Variants in SNAP91 observed in about 807,000 individuals in gnomAD.
SNAP91 encodes synaptosome associated protein 91, also known as clathrin coat assembly protein AP180.
In SNAP91, 27 loss-of-function variants were observed where a neutral mutation model predicts 100.3. The ratio of observed to expected loss-of-function variants is 0.27; its 90% CI spans 0.20 to 0.37. SNAP91 has a LOEUF of 0.37. Among genes scored for constraint, SNAP91 ranks in the 10% least tolerant of loss-of-function variants. SNAP91 has a pLI of 1.00. For missense variants in SNAP91, 986 were observed against 1,123.7 expected (o/e 0.88, Z 1.75); for synonymous variants, 404 against 398.6 (o/e 1.01, Z -0.16).
intron 8 of SNAP91, among the ~76,000 whole-genome samples, chr6:83,629,953 C>G (rs1399209733): frequency 6.6e-6 from 1 of 152,024 alleles, no homozygotes; most frequent in Non-Finnish European, 1.5e-5. Context: ...ATGCTATCAA[C>G]TTTTCCCCAT....
intron 6 of SNAP91, among the ~76,000 whole-genome samples, chr6:83,657,557 T>C (rs1020689706): frequency 6.6e-6 from 1 of 152,192 alleles, no homozygotes; most frequent in African/African-American, 2.4e-5. Context: ...ATAAGATGGT[T>C]TGCTGCTTTT....
chr6:83,682,692 C>A (rs992722469), intron 2 of SNAP91, among the ~76,000 whole-genome samples: 1 of 151,724 alleles, frequency 6.6e-6, no homozygotes, highest in Admixed American at 6.6e-5. Context: ...ATTAACTCGT[C>A]ATTTAGCATT....
At chr6:83,694,531 T>C (rs1159409631) in intron 2 of SNAP91, among the ~76,000 whole-genome samples, 1 of 152,216 alleles carries the variant, frequency 6.6e-6, no homozygotes, top group African/African-American at 2.4e-5. Context: ...GGGTCAACCA[T>C]GACCTGTGCT....
chr6:83,665,598 T>A lies in SNAP91; in HGVS notation c.131-17A>T. 1 of 1,600,300 alleles carries A rather than the reference T, an allele frequency of 6.2e-7. No individual in the cohort carries two copies. Among genetic ancestry groups the A allele is most frequent in the Non-Finnish European group, 8.5e-7 (1 of 1,174,110 alleles). ...GGATCAAATCTATGAAAATAGAAGA[T>A]ATTAATCAATGATATTAACAATTAC... On this transcript the variant is annotated splice_polypyrimidine_tract_variant and intron_variant, in intron 2 of 29. Coordinates refer to ENST00000369694, the MANE Select transcript of SNAP91 (RefSeq NM_001242792.2).
intron 2 of SNAP91, among the ~76,000 whole-genome samples, chr6:83,676,862 T>C (rs1470833648): frequency 6.6e-6 from 1 of 152,128 alleles, no homozygotes; most frequent in Non-Finnish European, 1.5e-5. Context: ...CTTATATTAG[T>C]GTGGCAATGG....
At chr6:83,627,235 G>C (rs979301845) in intron 8 of SNAP91, among the ~76,000 whole-genome samples, 7 of 152,048 alleles carry the variant, frequency 4.6e-5, no homozygotes, top group African/African-American at 7.2e-5. Flanking sequence ...TTGATGTGCT[G>C]CTAGATTTGA....
chr6:83,609,984 C>T (rs1200212811), intron 12 of SNAP91, among the ~76,000 whole-genome samples: 1 of 152,138 alleles, frequency 6.6e-6, no homozygotes, highest in Non-Finnish European at 1.5e-5. Flanking sequence ...GACTAAATTA[C>T]ATATACTATA....
Position 83,575,117 on chromosome 6 carries a change from C to A in SNAP91, c.2335G>T (p.Asp779Tyr), listed in dbSNP as rs1315822660. 5.6e-6 allele frequency: 9 copies of A among 1,602,052 alleles called. No individual in the cohort carries two copies. The highest frequency in any genetic ancestry group is 7.7e-6 in the Non-Finnish European group (9 of 1,172,422). ...TTCTCTCCAGCATTCCACTGAAGAT[C>A]TCCCCTAAAATTAACCATGCAAAAC... ...GISGTTTKKG[D>Y]LQWNAGEKKL... is the part of the protein sequence containing the mutation. The change falls in exon 26 of 30, where the codon GAT becomes TAT. Residue 779 changes from aspartate (D) to tyrosine (Y), a missense_variant. Coordinates refer to ENST00000369694, the MANE Select transcript of SNAP91 (RefSeq NM_001242792.2).
At position 83,708,038 on chromosome 6, in the gene SNAP91, C is replaced by T. The variant is rs1403366801; in HGVS notation, c.-30-81G>A. 7 of 1,298,254 alleles carry T rather than the reference C, an allele frequency of 5.4e-6. No homozygotes were observed. In the Admixed American group the frequency reaches 1.4e-4, roughly 26 times the overall value. 80.4% of individuals were successfully genotyped at this position (1,298,254 alleles called of 1,614,324 possible). A position where few individuals can be genotyped will look rare whatever the true frequency, so the allele number is the denominator to read the frequency against. On this transcript the variant is annotated intron_variant, in intron 1 of 29. Transcript: ENST00000369694. ...GCACCCAGGCCTTGCCTCCTCCAGC[C>T]GCGCGGCGGCTCTCTCCTCCTCCAT...
intron 22 of SNAP91, among the ~76,000 whole-genome samples, chr6:83,589,637 T>A (rs772694478): frequency 6.6e-6 from 1 of 152,120 alleles, no homozygotes; most frequent in Non-Finnish European, 1.5e-5. Context: ...TTATGTTTGA[T>A]CATAGTAGTC....
At chr6:83,601,704 C>G (rs1454659679) in intron 14 of SNAP91, 105 bp from the exon 15 acceptor site, 2 of 1,061,702 alleles carry the variant, frequency 1.9e-6, no homozygotes, top group African/African-American at 1.6e-5. Context: ...CTAAAAAAAC[C>G]TTAGCTTTAT....
chr6:83,563,356 G>A (rs748851064), intron 26 of SNAP91, among the ~76,000 whole-genome samples: 3 of 151,946 alleles, frequency 2.0e-5, no homozygotes, highest in Non-Finnish European at 4.4e-5. Flanking sequence ...AATACTCAAC[G>A]AACTAGAAAA....
chr6:83,690,668 G>T (rs573500764), intron 2 of SNAP91, among the ~76,000 whole-genome samples: 7 of 151,962 alleles, frequency 4.6e-5, no homozygotes, highest in African/African-American at 1.7e-4. Context: ...TCTTATAATG[G>T]GCAATTTCTG....
At chr6:83,563,284 T>C (rs1584028108) in intron 26 of SNAP91, among the ~76,000 whole-genome samples, 1 of 152,198 alleles carries the variant, frequency 6.6e-6, no homozygotes, top group East Asian at 1.9e-4. Context: ...ATCACAACAA[T>C]GATCATCTCA....
intron 12 of SNAP91, 142 bp from the exon 13 acceptor site, chr6:83,607,950 A>C (rs968009482): frequency 2.3e-6 from 1 of 431,882 alleles, no homozygotes; most frequent in Non-Finnish European, 4.2e-6. Flanking sequence ...AAACTCAATA[A>C]AATTTGAAAT....
chr6:83,641,931 A>C (rs1383785594), intron 7 of SNAP91, among the ~76,000 whole-genome samples: 1 of 152,198 alleles, frequency 6.6e-6, no homozygotes, highest in African/African-American at 2.4e-5. Context: ...TTACCCTTGC[A>C]ATATGAGAGT....
rs747428612 is a variant in SNAP91 at position 83,610,710 on chromosome 6, AATATATATATATATAT to A, written c.885-49_885-34del. 4.3e-3 allele frequency: 908 copies of A among 211,548 alleles called. 36 individuals carry two copies. In the African/African-American group the frequency reaches 0.046, roughly 11 times the overall value. 13.1% of individuals were successfully genotyped at this position (211,548 alleles called of 1,614,324 possible). Reference sequence around the variant, plus strand: ...GCAACATAAAAAAAAATTAAAACTGAATATATATATATATATATATATATATATATATATATAAATA... The same window carrying A: ...GCAACATAAAAAAAAATTAAAACTGAATATATATATATATATATATAAATA... On this transcript the variant is annotated intron_variant, in intron 11 of 29. Coordinates refer to ENST00000369694, the MANE Select transcript of SNAP91 (RefSeq NM_001242792.2).
At chr6:83,608,701 G>GAAAAAAA (rs999896384) in intron 12 of SNAP91, among the ~76,000 whole-genome samples, 2 of 145,386 alleles carry the variant, frequency 1.4e-5, no homozygotes, top group East Asian at 4.0e-4. Context: ...ATAATTTGAG[G>GAAAAAAA]AAAAAAAAAA....
intron 8 of SNAP91, among the ~76,000 whole-genome samples, chr6:83,626,267 T>C (rs777899906): frequency 7.9e-5 from 12 of 152,134 alleles, no homozygotes; most frequent in Non-Finnish European, 1.5e-4. Flanking sequence ...TGCACCCTTG[T>C]AGTATAGTTT....
Sources: gnomAD v4.1 joint callset for allele counts (sites outside exome capture counted in the v4.1 genomes callset) on GRCh38, gnomAD v4.1.1 for gene constraint, MANE v1.5 for transcripts, NCBI Gene and HGNC (gene_info 2026-07-23, HGNC 2026-07-21) for gene names.